The following MYLK variants were observed in gnomAD, a reference collection of about 807,000 sequenced individuals.
MYLK encodes myosin light chain kinase.
Under a neutral mutation model 203.4 loss-of-function variants are expected in MYLK, and 106 were observed. The ratio of observed to expected loss-of-function variants is 0.52; its 90% CI spans 0.45 to 0.61. The LOEUF is 0.61. Ranked by LOEUF, MYLK falls within the 20% of genes least tolerant of loss-of-function variation. The pLI is 0.00. For missense variants in MYLK, 2,072 were observed against 2,442.3 expected, an observed-to-expected ratio of 0.85 and a Z score of 3.20; for synonymous variants, 867 against 959.5, an observed-to-expected ratio of 0.90 and a Z score of 1.78.
chr3:123,799,417 C>T (rs1476031267), intron 3 of MYLK, among the ~76,000 whole-genome samples: 1 of 152,178 alleles, frequency 6.6e-6, no homozygotes, highest in African/African-American at 2.4e-5. Flanking sequence ...AAAATCAGGG[C>T]TCAAGTAATA....
chr3:123,644,895 G>A (rs762087975), intron 27 of MYLK, among the ~76,000 whole-genome samples: 1 of 152,158 alleles, frequency 6.6e-6, no homozygotes. Context: ...TAACCAAAAG[G>A]GGCATCTTGA....
At chr3:123,759,982 C>T (rs2063483416) in intron 4 of MYLK, among the ~76,000 whole-genome samples, 1 of 151,574 alleles carries the variant, frequency 6.6e-6, no homozygotes, top group Non-Finnish European at 1.5e-5. Flanking sequence ...CTGTCACCTG[C>T]AAAAAAAAGT....
Position 123,667,187 on chromosome 3 carries a change from C to T in MYLK, c.3653G>A (p.Ser1218Asn), listed in dbSNP as rs1442851344. The change falls in exon 21 of 34, where the codon AGT becomes AAT. Residue 1218 changes from serine to asparagine, a missense_variant and splice_region_variant. Physicochemically the swap from Ser to Asn is conservative, Grantham distance 46. Around this residue, in one of 3 missense-constraint regions of MYLK, gnomAD observed 865 missense variants for 1,016.0 expected, o/e 0.85. Transcript: ENST00000360304. Reference protein sequence around the residue: ...SSLPPVLGTESDATVKKKPAP... With the variant: ...SSLPPVLGTENDATVKKKPAP... ...AGGTTTCTTTTTCACAGTCGCATCACCTGAAACAAAGAAGTTCACAAGTTA... is the reference window on the plus strand; with the variant it reads ...AGGTTTCTTTTTCACAGTCGCATCATCTGAAACAAAGAAGTTCACAAGTTA... The T allele has an allele frequency of 6.8e-6, 11 of 1,614,124 alleles. No individual in the cohort carries two copies. Among genetic ancestry groups the T allele is most frequent in the Non-Finnish European group, 8.5e-6 (10 of 1,179,988 alleles).
rs1290585984 is a variant in MYLK, at chr3:123,735,135, A to C, written c.773+263T>G. 4 of 501,038 alleles carry C rather than the reference A, an allele frequency of 8.0e-6. No homozygotes were observed. In the East Asian group the frequency reaches 1.5e-4, roughly 19 times the overall value. 31.0% of individuals were successfully genotyped at this position (501,038 alleles called of 1,614,324 possible). On this transcript the variant is annotated intron_variant, in intron 9 of 33. Transcript: ENST00000360304. ...AGCAGTGTTCTTCCTCAGGATGCTAACCAGAGAAGAGACTGTGTAGATACT... is the reference window on the plus strand; with the variant it reads ...AGCAGTGTTCTTCCTCAGGATGCTACCCAGAGAAGAGACTGTGTAGATACT...
intron 11 of MYLK, among the ~76,000 whole-genome samples, chr3:123,730,023 TTGAGACCAGCCTGGGCAACATAG>T (rs937794954): frequency 6.6e-6 from 1 of 152,072 alleles, no homozygotes; most frequent in African/African-American, 2.4e-5. Flanking sequence ...GTCTAGGGGT[TTGAGACCAGCCTGGGCAACATAG>T]TGAGACCTCC....
chr3:123,640,989 C>A lies in MYLK; in HGVS notation c.4620-485G>T. The stretch of plus-strand genomic sequence containing the variant: ...AATATCTTCAATCATCAATAATGAG[C>A]CTCAGCAAATTTTCTAAAATTAGTT... On this transcript the variant is annotated intron_variant, in intron 27 of 33. Coordinates refer to ENST00000360304, the MANE Select transcript of MYLK (RefSeq NM_053025.4). This position sits in a 1 kb window ranked among gnomAD's most constrained non-coding sequence, Gnocchi z 4.3. Among the ~76,000 whole-genome samples, 1 of 152,176 alleles carries A rather than the reference C, an allele frequency of 6.6e-6. No homozygotes were observed. The highest frequency in any genetic ancestry group is 2.4e-5 in the African/African-American group (1 of 41,444).
chr3:123,743,729 A>C (rs1437323480), intron 5 of MYLK, among the ~76,000 whole-genome samples: 1 of 152,204 alleles, frequency 6.6e-6, no homozygotes, highest in Non-Finnish European at 1.5e-5. Context: ...TGGAAAGTTC[A>C]GTGGTGGAAG....
intron 3 of MYLK, among the ~76,000 whole-genome samples, chr3:123,818,525 C>T (rs1039339476): frequency 1.3e-5 from 2 of 152,028 alleles, no homozygotes; most frequent in African/African-American, 4.8e-5. Flanking sequence ...CACAACTCTA[C>T]AAAAAAACAC....
At chr3:123,691,275 G>C (rs2060651547) in intron 19 of MYLK, 1 of 152,174 alleles carries the variant, frequency 6.6e-6, no homozygotes, top group Non-Finnish European at 1.5e-5. Flanking sequence ...ATCTGGGTGG[G>C]TGACAGCCTG....
chr3:123,764,238 C>T lies in MYLK; in HGVS notation c.166-11700G>A, dbSNP rs536638663. 6.6e-5 allele frequency among the ~76,000 whole-genome samples: 10 copies of T among 152,214 alleles called. No homozygotes were observed. The South Asian group carries it at 1.0e-3, about 16-fold the overall frequency. ...CCTTGTTCGGTTCTTTATGTCTGTTCCATAACAGAGGATTCCCTTGGACAT... is the reference window on the plus strand; with the variant it reads ...CCTTGTTCGGTTCTTTATGTCTGTTTCATAACAGAGGATTCCCTTGGACAT... On this transcript the variant is annotated intron_variant, in intron 4 of 33. Coordinates refer to ENST00000360304, the MANE Select transcript of MYLK (RefSeq NM_053025.4).
chr3:123,874,330 T>G (rs1400089605), intron 2 of MYLK, among the ~76,000 whole-genome samples: 6 of 152,156 alleles, frequency 3.9e-5, no homozygotes, highest in Non-Finnish European at 8.8e-5. Flanking sequence ...ATACTCAGAA[T>G]AGACCACACA....
intron 5 of MYLK, among the ~76,000 whole-genome samples, chr3:123,746,530 G>A (rs532677295): frequency 6.6e-6 from 1 of 152,222 alleles, no homozygotes; most frequent in East Asian, 1.9e-4. Context: ...CAAAGTGGAT[G>A]GTGAAGATAA....
chr3:123,838,657 T>C lies in MYLK; in HGVS notation c.-126-6987A>G, dbSNP rs143209884. 3.5e-4 allele frequency among the ~76,000 whole-genome samples: 53 copies of C among 152,304 alleles called. No individual in the cohort carries two copies. The East Asian group carries it at 4.4e-3, about 13-fold the overall frequency. ...AGAAGAAAGAACTTGGAGTATAATA[T>C]TCTAAGGTTTTTATACCATACGTGA... is the stretch of plus-strand genomic sequence containing the variant. On this transcript the variant is annotated intron_variant, in intron 2 of 33. Transcript: ENST00000360304.
At chr3:123,872,109 C>T (rs370254177) in intron 2 of MYLK, among the ~76,000 whole-genome samples, 34 of 152,212 alleles carry the variant, frequency 2.2e-4, no homozygotes, top group African/African-American at 7.2e-4. Context: ...AATACAGCTT[C>T]CTGGAACACA....
chr3:123,766,407 G>T (rs2108958309), intron 4 of MYLK, among the ~76,000 whole-genome samples: 1 of 152,366 alleles, frequency 6.6e-6, no homozygotes, highest in South Asian at 2.1e-4. Context: ...TAAGAGGTGT[G>T]TGCTGAGGAC....
At chr3:123,707,494 A>G (rs1198395431) in intron 16 of MYLK, among the ~76,000 whole-genome samples, 1 of 152,104 alleles carries the variant, frequency 6.6e-6, no homozygotes. Context: ...CTCACCATAC[A>G]CCACATAATG....
chr3:123,785,643 G>C (rs2064482773), intron 4 of MYLK, among the ~76,000 whole-genome samples: 1 of 152,346 alleles, frequency 6.6e-6, no homozygotes, highest in South Asian at 2.1e-4. Context: ...TCTTCTAGCT[G>C]TGGGTTAGTG....
intron 3 of MYLK, among the ~76,000 whole-genome samples, chr3:123,811,010 C>T (rs1199677825): frequency 6.6e-6 from 1 of 152,198 alleles, no homozygotes; most frequent in Non-Finnish European, 1.5e-5. Flanking sequence ...TCCTTTTCTC[C>T]CAGCCCTAAA....
At chr3:123,728,770 G>A (rs1177840360) in intron 11 of MYLK, among the ~76,000 whole-genome samples, 1 of 152,130 alleles carries the variant, frequency 6.6e-6, no homozygotes, top group Non-Finnish European at 1.5e-5. Flanking sequence ...CAGAGCTCCT[G>A]AAAAACCCCA....
Sources: gnomAD v4.1 joint callset for allele counts (sites outside exome capture counted in the v4.1 genomes callset) on GRCh38, gnomAD v4.1.1 for gene constraint, gnomAD v4.1.1 regional missense constraint, Gnocchi (gnomAD v3.1) non-coding constraint, MANE v1.5 for transcripts, NCBI Gene and HGNC (gene_info 2026-07-23, HGNC 2026-07-21) for gene names.